Variants in PARD3 observed in about 807,000 individuals in gnomAD.
PARD3 encodes partitioning defective 3 homolog.
In PARD3, 75 loss-of-function variants were observed where a neutral mutation model predicts 155.4. The observed-to-expected ratio is 0.48, with a 90% confidence interval of 0.40 to 0.58. The LOEUF (loss-of-function observed/expected upper bound fraction) is 0.58, where lower values mean the gene tolerates loss of function less well. PARD3 is among the 20% of genes least tolerant of loss of function. The probability of loss-of-function intolerance (pLI) is 0.00; values close to 1 mark genes in which losing one functional copy is unlikely to be tolerated. For synonymous variants in PARD3, 576 were observed against 610.5 expected (o/e 0.94, Z 0.83); for missense variants, 1,642 against 1,721.7 (o/e 0.95, Z 0.82).
chr10:34,183,277 G>A (rs1273433065), intron 22 of PARD3, among the ~76,000 whole-genome samples: 1 of 152,190 alleles, frequency 6.6e-6, no homozygotes, highest in Admixed American at 6.5e-5. Context: ...GCCCAGACTG[G>A]AGTGCAGCGG....
rs2077124207 is a variant in PARD3 at position 34,452,697 on chromosome 10, T to A, written c.583-2249A>T. On this transcript the variant is annotated intron_variant, in intron 4 of 24. Transcript: ENST00000374788. ...CTGGACAAGCTCAAAAAGTGCACAA[T>A]TTCACCACGTCCTACCCTGACAACT... 2.0e-5 allele frequency among the ~76,000 whole-genome samples: 3 copies of A among 152,066 alleles called. No homozygotes were observed. In the South Asian group the frequency reaches 6.2e-4, roughly 31 times the overall value.
intron 2 of PARD3, among the ~76,000 whole-genome samples, chr10:34,601,453 GAATA>G (rs886715898): frequency 1.3e-5 from 2 of 152,056 alleles, no homozygotes; most frequent in South Asian, 2.1e-4. Context: ...ATTCATTCAT[GAATA>G]AATAAGTAAA....
intron 1 of PARD3, among the ~76,000 whole-genome samples, chr10:34,717,156 T>C (rs1362251569): frequency 6.6e-6 from 1 of 152,084 alleles, no homozygotes; most frequent in Non-Finnish European, 1.5e-5. Flanking sequence ...AAGCCTTATC[T>C]ATCAGTAGCC....
In PARD3 at chr10:34,378,290, A is replaced by G. The variant is rs564619148; in HGVS notation, c.1400-184T>C. Among the ~76,000 whole-genome samples the G allele has an allele frequency of 5.1e-4, 78 of 152,336 alleles. 1 individual carries two copies. Among genetic ancestry groups the G allele is most frequent in the Admixed American group, 1.8e-3 (27 of 15,302 alleles). ...ATAGACTAAATTGTGGAAGGTTTAA[A>G]TGGTTTACATATCAACAGTTATTAA... On this transcript the variant is annotated intron_variant, in intron 9 of 24. Coordinates refer to ENST00000374788, the MANE Select transcript of PARD3 (RefSeq NM_001184785.2).
intron 22 of PARD3, among the ~76,000 whole-genome samples, chr10:34,150,129 A>G (rs1948708812): frequency 6.6e-6 from 1 of 152,224 alleles, no homozygotes; most frequent in South Asian, 2.1e-4. Flanking sequence ...CCTTATAGAA[A>G]TCATCATATT....
intron 2 of PARD3, among the ~76,000 whole-genome samples, chr10:34,638,918 A>AG (rs1481312614): frequency 1.3e-5 from 2 of 152,342 alleles, no homozygotes; most frequent in African/African-American, 4.8e-5. Context: ...AATAAAATTA[A>AG]GTTCTTTCAC....
chr10:34,663,645 T>A (rs1213788560), intron 2 of PARD3, among the ~76,000 whole-genome samples: 1 of 152,128 alleles, frequency 6.6e-6, no homozygotes, highest in Non-Finnish European at 1.5e-5. Flanking sequence ...TAGACGAAGA[T>A]GGAGCTGACA....
At chr10:34,152,547 G>A (rs1948826404) in intron 22 of PARD3, among the ~76,000 whole-genome samples, 1 of 152,212 alleles carries the variant, frequency 6.6e-6, no homozygotes, top group South Asian at 2.1e-4. Flanking sequence ...GTCTGTCATT[G>A]ACTGACATGT....
rs114013823 is a variant in PARD3, at chr10:34,628,547, A to G, written c.222+67771T>C. ...AGCAGCTGCAGTCGGTACAGAAACG[A>G]GTGGGTGTGGCTGTGCTCCAATAAC... On this transcript the variant is annotated intron_variant, in intron 2 of 24. Coordinates refer to ENST00000374788, the MANE Select transcript of PARD3 (RefSeq NM_001184785.2). 5.3e-3 allele frequency among the ~76,000 whole-genome samples: 803 copies of G among 152,330 alleles called. 2 individuals carry two copies. Among genetic ancestry groups the G allele is most frequent in the African/African-American group, 0.018 (752 of 41,576 alleles).
At chr10:34,566,968 A>C (rs1242282980) in intron 2 of PARD3, among the ~76,000 whole-genome samples, 1 of 152,202 alleles carries the variant, frequency 6.6e-6, no homozygotes, top group Non-Finnish European at 1.5e-5. Flanking sequence ...GGATTTTTTT[A>C]AGTGTATTTT....
chr10:34,316,407 G>A (rs773764638), intron 20 of PARD3, among the ~76,000 whole-genome samples: 14 of 152,168 alleles, frequency 9.2e-5, no homozygotes, highest in Non-Finnish European at 1.8e-4. Context: ...TAATCCTAGA[G>A]TATAATTTAT....
intron 4 of PARD3, among the ~76,000 whole-genome samples, chr10:34,454,259 G>A (rs1040109878): frequency 6.6e-6 from 1 of 151,956 alleles, no homozygotes; most frequent in Non-Finnish European, 1.5e-5. Flanking sequence ...TGCATACAAG[G>A]ACTGTAGGCC....
At chr10:34,473,069 G>A (rs1589698978) in intron 3 of PARD3, among the ~76,000 whole-genome samples, 2 of 152,138 alleles carry the variant, frequency 1.3e-5, no homozygotes, top group East Asian at 3.9e-4. Context: ...AGGCCCTGCG[G>A]GATGTCTCTT....
At chr10:34,638,046 C>T (rs144227837) in intron 2 of PARD3, among the ~76,000 whole-genome samples, 149 of 152,290 alleles carry the variant, frequency 9.8e-4, no homozygotes, top group African/African-American at 3.3e-3. Context: ...ATTCAGTCCA[C>T]AGAATATAAT....
intron 2 of PARD3, among the ~76,000 whole-genome samples, chr10:34,616,930 CAAAAAAAA>C (rs1171920434): frequency 3.4e-5 from 3 of 89,284 alleles, no homozygotes; most frequent in African/African-American, 7.4e-5. Context: ...GCACCTGTCT[CAAAAAAAA>C]AAAAAAAAAA....
At chr10:34,669,656 G>C (rs1360246091) in intron 2 of PARD3, among the ~76,000 whole-genome samples, 1 of 151,722 alleles carries the variant, frequency 6.6e-6, no homozygotes, top group Non-Finnish European at 1.5e-5. Flanking sequence ...TGCACCGTAA[G>C]AGAGAAGCAG....
chr10:34,337,274 C>T lies in PARD3; in HGVS notation c.2560+1G>A. 1 of 1,569,938 alleles carries T rather than the reference C, an allele frequency of 6.4e-7. No homozygotes were observed. The highest frequency in any genetic ancestry group is 2.4e-5 in the East Asian group (1 of 42,496). Reference sequence around the variant, plus strand: ...TAAAGATTCATGGAGATTGTACTCACTACCTAAATCCATGCTTTTTGATTT... The same window carrying T: ...TAAAGATTCATGGAGATTGTACTCATTACCTAAATCCATGCTTTTTGATTT... On this transcript the variant is annotated splice_donor_variant, in intron 17 of 24. Coordinates refer to ENST00000374788, the MANE Select transcript of PARD3 (RefSeq NM_001184785.2). LOFTEE classifies it high-confidence loss of function.
chr10:34,230,724 T>TA (rs934771236), intron 22 of PARD3, among the ~76,000 whole-genome samples: 4 of 151,978 alleles, frequency 2.6e-5, no homozygotes, highest in South Asian at 2.1e-4. Context: ...ACTGGCAACT[T>TA]AAAAAAACAA....
chr10:34,766,685 G>A (rs894600016), intron 1 of PARD3, among the ~76,000 whole-genome samples: 1 of 143,960 alleles, frequency 6.9e-6, no homozygotes. Flanking sequence ...TTTCAGAGGA[G>A]GAAAAAAAGC....
Sources: allele counts gnomAD v4.1 joint callset (sites outside exome capture counted in the v4.1 genomes callset), GRCh38; gene constraint gnomAD v4.1.1; transcripts MANE v1.5; gene names NCBI Gene and HGNC (gene_info 2026-07-23, HGNC 2026-07-21).